WWOX: variants seen among roughly 807,000 people sequenced by gnomAD.
WWOX encodes the protein WW domain-containing oxidoreductase.
WWOX carries 69 observed loss-of-function variants against 46.2 expected under a neutral mutation model. That is an observed-to-expected ratio of 1.49 (90% CI 1.23 to 1.82). WWOX has a LOEUF of 1.82. WWOX is among the 40% of genes most tolerant of loss of function. The pLI, the probability that WWOX is intolerant of heterozygous loss-of-function variation, is 0.00. For missense variants in WWOX, 919 were observed against 542.6 expected, an observed-to-expected ratio of 1.69 and a Z score of -6.89; for synonymous variants, 359 against 202.6, an observed-to-expected ratio of 1.77 and a Z score of -6.56.
intron 5 of WWOX, among the ~76,000 whole-genome samples, chr16:78,379,202 T>G (rs2081897937): frequency 6.6e-6 from 1 of 152,196 alleles, no homozygotes; most frequent in Admixed American, 6.5e-5. Context: ...TACATGCAAA[T>G]TAGAGCTTTT....
At chr16:78,139,387 T>C (rs933384056) in intron 4 of WWOX, among the ~76,000 whole-genome samples, 8 of 152,208 alleles carry the variant, frequency 5.3e-5, no homozygotes, top group African/African-American at 1.9e-4. Context: ...GGCTCATGCC[T>C]GTAATCCCAG....
chr16:79,121,056 A>G (rs1211235684), intron 8 of WWOX, among the ~76,000 whole-genome samples: 1 of 152,210 alleles, frequency 6.6e-6, no homozygotes, highest in Non-Finnish European at 1.5e-5. Context: ...GGCGTGAGTC[A>G]CCATGCCTGG....
At chr16:78,993,224 A>AGTAAG (rs1370282651) in intron 8 of WWOX, among the ~76,000 whole-genome samples, 1 of 150,426 alleles carries the variant, frequency 6.6e-6, no homozygotes, top group African/African-American at 2.4e-5. Context: ...GTTTGTTTGC[A>AGTAAG]GTAAGCCGAG....
chr16:79,046,743 C>T (rs1242439428), intron 8 of WWOX, among the ~76,000 whole-genome samples: 1 of 152,156 alleles, frequency 6.6e-6, no homozygotes, highest in Non-Finnish European at 1.5e-5. Context: ...CTCTTTCTCT[C>T]AAAAAGAAAT....
At chr16:78,569,133 G>A (rs1293457747) in intron 8 of WWOX, among the ~76,000 whole-genome samples, 1 of 152,158 alleles carries the variant, frequency 6.6e-6, no homozygotes, top group Non-Finnish European at 1.5e-5. Context: ...AGGATACCTA[G>A]GGACCTGTTG....
At chr16:78,910,146 T>A (rs950003974) in intron 8 of WWOX, among the ~76,000 whole-genome samples, 1 of 149,208 alleles carries the variant, frequency 6.7e-6, no homozygotes, top group African/African-American at 2.4e-5. Context: ...CTTCTGGGGA[T>A]GATGCTTTTT....
intron 8 of WWOX, among the ~76,000 whole-genome samples, chr16:78,731,766 C>G (rs1041405287): frequency 2.0e-5 from 3 of 151,976 alleles, no homozygotes; most frequent in Non-Finnish European, 2.9e-5. Flanking sequence ...TGTCATGAAT[C>G]CACTCTGCAG....
intron 8 of WWOX, among the ~76,000 whole-genome samples, chr16:79,006,977 T>C (rs1445108005): frequency 6.6e-6 from 1 of 152,168 alleles, no homozygotes; most frequent in African/African-American, 2.4e-5. Context: ...ACAATCTTCA[T>C]TTCCCTTTGT....
At chr16:78,356,601 G>T (rs1231520962) in intron 5 of WWOX, among the ~76,000 whole-genome samples, 3 of 152,146 alleles carry the variant, frequency 2.0e-5, no homozygotes, top group African/African-American at 7.2e-5. Flanking sequence ...CAAAAGTTCC[G>T]GCTGGGCACG....
chr16:79,017,266 T>TA (rs1431475364), intron 8 of WWOX: 1 of 149,454 alleles, frequency 6.7e-6, no homozygotes, highest in Non-Finnish European at 1.5e-5. Context: ...CCATATCTCC[T>TA]AAAAATACAA....
At chr16:78,879,785 G>C (rs1336457826) in intron 8 of WWOX, among the ~76,000 whole-genome samples, 1 of 152,030 alleles carries the variant, frequency 6.6e-6, no homozygotes, top group Non-Finnish European at 1.5e-5. Flanking sequence ...GCTGAGGCAG[G>C]AGAGTCGCTT....
intron 8 of WWOX, among the ~76,000 whole-genome samples, chr16:78,967,761 C>A (rs530587596): frequency 5.9e-5 from 9 of 152,148 alleles, no homozygotes; most frequent in Non-Finnish European, 8.8e-5. Flanking sequence ...AAGCTGGAGA[C>A]TGCAGAGGAT....
chr16:78,342,398 T>C lies in WWOX; in HGVS notation c.517-44462T>C, dbSNP rs1484182870. Among the ~76,000 whole-genome samples, 2 of 121,188 alleles carry C rather than the reference T, an allele frequency of 1.7e-5. 1 individual carries two copies. The highest frequency in any genetic ancestry group is 4.0e-5 in the Non-Finnish European group (2 of 50,572). 79.5% of individuals were successfully genotyped at this position (121,188 alleles called of 152,430 possible). A position where few individuals can be genotyped will look rare whatever the true frequency, so the allele number is the denominator to read the frequency against. On this transcript the variant is annotated intron_variant, in intron 5 of 8. Transcript: ENST00000566780. ...ACTCCACTGTCTTGGAGCTACACTC[T>C]AAAACAAATAGCCTCCAAAGTCAAG...
At chr16:78,361,532 G>GT (rs1244545932) in intron 5 of WWOX, among the ~76,000 whole-genome samples, 2 of 152,148 alleles carry the variant, frequency 1.3e-5, no homozygotes, top group African/African-American at 4.8e-5. Context: ...TGGTGACTAT[G>GT]TATTTCCCTT....
intron 8 of WWOX, among the ~76,000 whole-genome samples, chr16:78,659,961 A>G (rs2047174358): frequency 6.6e-6 from 1 of 152,186 alleles, no homozygotes; most frequent in South Asian, 2.1e-4. Flanking sequence ...TGCATGCAAA[A>G]AAAAGCCCAG....
chr16:78,593,046 T>C, intron 8 of WWOX, among the ~76,000 whole-genome samples: 1 of 152,112 alleles, frequency 6.6e-6, no homozygotes, highest in East Asian at 1.9e-4. Flanking sequence ...CTAGCACCAA[T>C]GTGTCTAGGC....
chr16:79,110,393 A>G (rs372320768), intron 8 of WWOX, among the ~76,000 whole-genome samples: 1 of 152,176 alleles, frequency 6.6e-6, no homozygotes, highest in Admixed American at 6.5e-5. Context: ...GGAGAGCTAT[A>G]GAAACCTTGA....
chr16:78,964,675 C>G (rs1216061873), intron 8 of WWOX, among the ~76,000 whole-genome samples: 3 of 152,196 alleles, frequency 2.0e-5, no homozygotes, highest in Admixed American at 6.5e-5. Flanking sequence ...TGGCAAGGAA[C>G]CTAATGTTAA....
intron 5 of WWOX, among the ~76,000 whole-genome samples, chr16:78,191,224 C>A (rs2035873453): frequency 6.6e-6 from 1 of 152,120 alleles, no homozygotes; most frequent in African/African-American, 2.4e-5. Context: ...AGAAAAGATG[C>A]CCCCTCCTCT....
Sources: gnomAD v4.1 joint callset for allele counts (sites outside exome capture counted in the v4.1 genomes callset) on GRCh38, gnomAD v4.1.1 for gene constraint, MANE v1.5 for transcripts, NCBI Gene and HGNC (gene_info 2026-07-23, HGNC 2026-07-21) for gene names.